Variants in SYTL5 observed in about 807,000 individuals in gnomAD.
SYTL5 encodes synaptotagmin like 5.
A neutral mutation model predicts 55.9 loss-of-function variants in SYTL5; 34 were observed. That is an observed-to-expected ratio of 0.61 (90% CI 0.46 to 0.81). SYTL5 has a LOEUF of 0.81. SYTL5 is among the 30% of genes least tolerant of loss of function. The pLI is 0.00. For synonymous variants in SYTL5, 221 were observed against 188.7 expected (o/e 1.17, Z -1.40); for missense variants, 637 against 546.7 (o/e 1.17, Z -1.65).
rs763045358 is a variant in SYTL5, at chrX:38,081,593, G to A, written c.689+4892G>A. Among the ~76,000 whole-genome samples, 11 of 111,456 alleles carry A rather than the reference G, an allele frequency of 9.9e-5. No individual in the cohort carries two copies. In the East Asian group the frequency reaches 3.1e-3, roughly 31 times the overall value. ...GTAATATGTTCAGGATGTGGTCTAA[G>A]GAAACAGAGATAGGAGAGTGGGGAA... On this transcript the variant is annotated intron_variant, in intron 6 of 16. Coordinates refer to ENST00000297875, the MANE Select transcript of SYTL5 (RefSeq NM_138780.3).
the SYTL5 span, among the ~76,000 whole-genome samples, chrX:37,991,846 T>C: frequency 8.9e-6 from 1 of 112,116 alleles, no homozygotes; most frequent in Non-Finnish European, 1.9e-5. Flanking sequence ...TTCTTATTTC[T>C]TTATGCCCTG....
chrX:38,000,498 A>G, the SYTL5 span, among the ~76,000 whole-genome samples: 2 of 112,125 alleles, frequency 1.8e-5, no homozygotes, highest in Non-Finnish European at 3.8e-5. Context: ...GAGCATGCAG[A>G]CTGGTAGGTT....
At chrX:38,063,020 A>C (rs1935997538) in intron 3 of SYTL5, among the ~76,000 whole-genome samples, 1 of 111,159 alleles carries the variant, frequency 9.0e-6, no homozygotes, top group Non-Finnish European at 1.9e-5. Flanking sequence ...ACATAAACCC[A>C]AATCCTATAG....
At chrX:37,910,542 G>A in the SYTL5 span, among the ~76,000 whole-genome samples, 1 of 112,049 alleles carries the variant, frequency 8.9e-6, no homozygotes, top group Non-Finnish European at 1.9e-5. Context: ...CCAGTCACCT[G>A]GAGGCCTTAT....
chrX:37,926,935 C>T, the SYTL5 span, among the ~76,000 whole-genome samples: 2 of 112,099 alleles, frequency 1.8e-5, no homozygotes, highest in Non-Finnish European at 3.8e-5. Context: ...AGATCTACCA[C>T]TTATGGAGGA....
chrX:38,094,567 A>G, intron 8 of SYTL5, 143 bp downstream of exon 8: 1 of 597,950 alleles, frequency 1.7e-6, no homozygotes, highest in South Asian at 5.3e-5. Flanking sequence ...AGGCCACTCC[A>G]TAAGAACTGC....
chrX:37,987,388 C>T, the SYTL5 span, among the ~76,000 whole-genome samples: 3 of 111,920 alleles, frequency 2.7e-5, no homozygotes, highest in African/African-American at 9.7e-5. Context: ...GTCAATAGTG[C>T]TAAAGTTTAT....
chrX:38,039,596 A>T (rs907222325), intron 2 of SYTL5, among the ~76,000 whole-genome samples: 3 of 112,085 alleles, frequency 2.7e-5, no homozygotes, highest in Non-Finnish European at 5.6e-5. Flanking sequence ...ATTGACTTGT[A>T]CTTAAAAATC....
the SYTL5 span, among the ~76,000 whole-genome samples, chrX:37,891,594 G>GTA: frequency 2.7e-5 from 3 of 111,424 alleles, no homozygotes; most frequent in Non-Finnish European, 5.7e-5. Context: ...CTATTGAATT[G>GTA]TACACTTTAA....
At chrX:38,076,402 T>C (rs776932181) in intron 5 of SYTL5, among the ~76,000 whole-genome samples, 165 bp from the exon 6 acceptor site, 7 of 112,159 alleles carry the variant, frequency 6.2e-5, no homozygotes, top group African/African-American at 1.6e-4. Flanking sequence ...TCACCCTTGA[T>C]ACTGTATTGC....
At chrX:38,062,015 C>T (rs377216950) in intron 3 of SYTL5, among the ~76,000 whole-genome samples, 105 of 110,110 alleles carry the variant, frequency 9.5e-4, no homozygotes, top group African/African-American at 3.3e-3. Context: ...TCACCCAAGC[C>T]GGAGTGCAGT....
the SYTL5 span, among the ~76,000 whole-genome samples, chrX:37,994,967 C>T: frequency 3.6e-5 from 4 of 111,215 alleles, no homozygotes; most frequent in Non-Finnish European, 7.5e-5. Context: ...TGTGAGACAT[C>T]AAGGAGAAGC....
chrX:38,024,175 G>A (rs779629085), intron 1 of SYTL5, among the ~76,000 whole-genome samples: 2 of 110,557 alleles, frequency 1.8e-5, no homozygotes, highest in East Asian at 2.9e-4. Context: ...CAATCCCCAC[G>A]TGTTGTGGGA....
At chrX:38,055,692 C>T (rs150247577) in intron 3 of SYTL5, among the ~76,000 whole-genome samples, 29 of 112,026 alleles carry the variant, frequency 2.6e-4, no homozygotes, top group African/African-American at 8.4e-4. Flanking sequence ...TGAGGACTAC[C>T]GTTCTGTTGA....
intron 13 of SYTL5, among the ~76,000 whole-genome samples, chrX:38,113,368 G>A (rs1937406588): frequency 1.8e-5 from 2 of 112,222 alleles, no homozygotes; most frequent in South Asian, 7.5e-4. Context: ...TTCAGGTAGA[G>A]AGTAAATGTA....
At chrX:37,993,496 T>C in the SYTL5 span, among the ~76,000 whole-genome samples, 12 of 112,201 alleles carry the variant, frequency 1.1e-4, no homozygotes, top group Admixed American at 1.0e-3. Context: ...TAAAAGGTAT[T>C]TTCTAACAGA....
chrX:37,936,059 A>T, the SYTL5 span, among the ~76,000 whole-genome samples: 2 of 112,406 alleles, frequency 1.8e-5, no homozygotes, highest in African/African-American at 6.5e-5. Context: ...TAATCAAAAG[A>T]GAGCTGGAGA....
At chrX:37,895,409 T>TTTTTTTCCTTCCTTCC in the SYTL5 span, among the ~76,000 whole-genome samples, 1 of 83,456 alleles carries the variant, frequency 1.2e-5, no homozygotes, top group East Asian at 4.0e-4. Context: ...TAGTTTTTCT[T>TTTTTTTCCTTCCTTCC]TTCCTTCCTT....
the SYTL5 span, among the ~76,000 whole-genome samples, chrX:37,979,252 A>T: frequency 1.8e-5 from 2 of 110,078 alleles, no homozygotes; most frequent in East Asian, 5.7e-4. Flanking sequence ...GAAGGAGGTT[A>T]TAGTCACATT....
Sources: allele counts gnomAD v4.1 joint callset (sites outside exome capture counted in the v4.1 genomes callset), GRCh38; gene constraint gnomAD v4.1.1; transcripts MANE v1.5; gene names NCBI Gene and HGNC (gene_info 2026-07-23, HGNC 2026-07-21).